Variants in MSRA observed in about 807,000 individuals in gnomAD.
MSRA encodes mitochondrial peptide methionine sulfoxide reductase.
In MSRA, 54 loss-of-function variants were observed where a neutral mutation model predicts 31.3. That is an observed-to-expected ratio of 1.73 (90% CI 1.39 to 2.17). The LOEUF is 2.17. Among genes scored for constraint, MSRA ranks in the 30% most tolerant of loss-of-function variants. The pLI is 0.00. For synonymous variants in MSRA, 169 were observed against 116.5 expected (o/e 1.45, Z -2.90); for missense variants, 507 against 300.9 (o/e 1.69, Z -5.07).
At chr8:10,144,223 C>G (rs1802945812) in intron 1 of MSRA, among the ~76,000 whole-genome samples, 1 of 152,142 alleles carries the variant, frequency 6.6e-6, no homozygotes, top group Admixed American at 6.5e-5. Flanking sequence ...CGTAGTGTGT[C>G]TTCATATTGC....
chr8:10,059,756 C>G (rs1802601383), intron 1 of MSRA, among the ~76,000 whole-genome samples: 1 of 152,168 alleles, frequency 6.6e-6, no homozygotes, highest in South Asian at 2.1e-4. Flanking sequence ...AAGGACCAAT[C>G]TTTTTAATTA....
At chr8:10,277,253 A>G (rs1280914862) in intron 3 of MSRA, among the ~76,000 whole-genome samples, 1 of 152,214 alleles carries the variant, frequency 6.6e-6, no homozygotes, top group African/African-American at 2.4e-5. Context: ...TTAGCTAATG[A>G]AAGTACATGT....
chr8:10,175,059 C>T (rs1805927691), intron 1 of MSRA, among the ~76,000 whole-genome samples: 1 of 152,168 alleles, frequency 6.6e-6, no homozygotes, highest in Non-Finnish European at 1.5e-5. Context: ...CATGATTCAC[C>T]ATCCACATTT....
intron 1 of MSRA, among the ~76,000 whole-genome samples, chr8:10,057,746 T>A (rs1038540972): frequency 9.9e-5 from 15 of 152,164 alleles, no homozygotes; most frequent in African/African-American, 2.7e-4. Context: ...CCTGCTCCTT[T>A]GTGTGGAGAT....
intron 1 of MSRA, among the ~76,000 whole-genome samples, chr8:10,110,366 C>G (rs1467143839): frequency 1.3e-5 from 2 of 152,114 alleles, no homozygotes; most frequent in Non-Finnish European, 2.9e-5. Flanking sequence ...GTTCTCCAGC[C>G]TCCCTCCCAT....
chr8:10,424,349 G>A (rs1448479290), intron 5 of MSRA, among the ~76,000 whole-genome samples: 1 of 152,142 alleles, frequency 6.6e-6, no homozygotes, highest in Non-Finnish European at 1.5e-5. Flanking sequence ...AAGGGCCTGG[G>A]GTGGAGCGGG....
At chr8:10,127,965 T>C (rs1253960264) in intron 1 of MSRA, among the ~76,000 whole-genome samples, 7 of 152,056 alleles carry the variant, frequency 4.6e-5, no homozygotes, top group Non-Finnish European at 5.9e-5. Flanking sequence ...CCTGGGGCAG[T>C]GTTTCACACT....
chr8:10,072,635 T>C (rs1231653214), intron 1 of MSRA, among the ~76,000 whole-genome samples: 1 of 152,200 alleles, frequency 6.6e-6, no homozygotes, highest in Non-Finnish European at 1.5e-5. Flanking sequence ...GAATAAACTC[T>C]CTGTCAACAG....
At chr8:10,056,480 G>A (rs1288062599) in intron 1 of MSRA, among the ~76,000 whole-genome samples, 1 of 149,876 alleles carries the variant, frequency 6.7e-6, no homozygotes, top group African/African-American at 2.5e-5. Flanking sequence ...ATAGCTGTGA[G>A]TGTTTTTGGT....
chr8:10,209,305 A>G (rs1345066738), intron 2 of MSRA, among the ~76,000 whole-genome samples: 37 of 152,182 alleles, frequency 2.4e-4, no homozygotes, highest in Admixed American at 2.4e-3. Flanking sequence ...AGTCTCTCAG[A>G]TTCGCCAACC....
At chr8:10,071,131 G>A (rs941032723) in intron 1 of MSRA, among the ~76,000 whole-genome samples, 27 of 152,182 alleles carry the variant, frequency 1.8e-4, no homozygotes, top group African/African-American at 6.3e-4. Context: ...AACATATGAA[G>A]GATCTGATTT....
At chr8:10,062,798 G>A (rs1333238721) in intron 1 of MSRA, among the ~76,000 whole-genome samples, 2 of 152,176 alleles carry the variant, frequency 1.3e-5, no homozygotes. Flanking sequence ...AGATGAAAAT[G>A]TATGTGATAG....
In MSRA at chr8:10,419,883, C is replaced by T. The variant is rs1429336626; in HGVS notation, c.544-8265C>T. 2.6e-5 allele frequency among the ~76,000 whole-genome samples: 4 copies of T among 152,138 alleles called. No homozygotes were observed. In the South Asian group the frequency reaches 6.2e-4, roughly 24 times the overall value. On this transcript the variant is annotated intron_variant, in intron 5 of 5. Coordinates refer to ENST00000317173, the MANE Select transcript of MSRA (RefSeq NM_012331.5). ...TTGGGCAGGAGAAAGAATGGCCAAG[C>T]CATATGCTTGGGGCAAGTCCTTCTG...
chr8:10,427,733 C>T (rs1809271786), intron 5 of MSRA, among the ~76,000 whole-genome samples: 1 of 152,146 alleles, frequency 6.6e-6, no homozygotes, highest in African/African-American at 2.4e-5. Context: ...CCACTGTGGC[C>T]CTGCTGAGCC....
chr8:10,287,877 C>T (rs1800022503), intron 3 of MSRA, among the ~76,000 whole-genome samples: 2 of 152,134 alleles, frequency 1.3e-5, no homozygotes, highest in African/African-American at 4.8e-5. Context: ...TCTGAGACTA[C>T]CCTTCTCCAG....
At chr8:10,217,787 T>G (rs1017276335) in intron 2 of MSRA, among the ~76,000 whole-genome samples, 8 of 152,148 alleles carry the variant, frequency 5.3e-5, no homozygotes, top group Non-Finnish European at 1.2e-4. Flanking sequence ...TATCATCAAA[T>G]CTCCAGTGAG....
At chr8:10,222,231 A>T (rs1002845083) in intron 2 of MSRA, among the ~76,000 whole-genome samples, 9 of 152,150 alleles carry the variant, frequency 5.9e-5, no homozygotes, top group Non-Finnish European at 8.8e-5. Context: ...TAATAATACA[A>T]AAAAAGCTTT....
At chr8:10,055,631 G>T (rs1802315085) in intron 1 of MSRA, among the ~76,000 whole-genome samples, 1 of 152,204 alleles carries the variant, frequency 6.6e-6, no homozygotes, top group Non-Finnish European at 1.5e-5. Flanking sequence ...GTAAACCACT[G>T]CCTTAGAGCT....
chr8:10,263,406 A>G (rs1352638351), intron 3 of MSRA, among the ~76,000 whole-genome samples: 2 of 152,206 alleles, frequency 1.3e-5, no homozygotes, highest in East Asian at 3.8e-4. Flanking sequence ...CTACCATGAT[A>G]GGAAAAAAGA....
Sources: gnomAD v4.1 joint callset for allele counts (sites outside exome capture counted in the v4.1 genomes callset) on GRCh38, gnomAD v4.1.1 for gene constraint, MANE v1.5 for transcripts, NCBI Gene and HGNC (gene_info 2026-07-23, HGNC 2026-07-21) for gene names.